Variants in DIAPH2 observed in about 807,000 individuals in gnomAD.
DIAPH2 encodes the protein protein diaphanous homolog 2.
In DIAPH2, 35 loss-of-function variants were observed where a neutral mutation model predicts 92.7. That is an observed-to-expected ratio of 0.38 (90% confidence interval 0.29 to 0.50). The LOEUF (loss-of-function observed/expected upper bound fraction) is 0.50, where lower values mean the gene tolerates loss of function less well. Ranked by LOEUF, DIAPH2 falls within the 20% of genes least tolerant of loss-of-function variation. The pLI is 0.94. For missense variants in DIAPH2, 701 were observed against 819.5 expected, an observed-to-expected ratio of 0.86 and a Z score of 1.77; for synonymous variants, 301 against 280.4, an observed-to-expected ratio of 1.07 and a Z score of -0.73.
chrX:97,533,959 A>C (rs1024391257), intron 26 of DIAPH2, among the ~76,000 whole-genome samples: 2 of 111,827 alleles, frequency 1.8e-5, no homozygotes, highest in African/African-American at 6.5e-5. Context: ...TGAGTAGTTT[A>C]CTCATTCTAA....
chrX:96,730,861 C>A (rs1202717147), intron 1 of DIAPH2, among the ~76,000 whole-genome samples: 1 of 110,278 alleles, frequency 9.1e-6, no homozygotes. Flanking sequence ...TTCACCTGGG[C>A]GCAGGCGGGC....
At position 96,876,054 on chromosome X, in the gene DIAPH2, A is replaced by T. The variant is rs555719279; in HGVS notation, c.448-5525A>T. On this transcript the variant is annotated intron_variant, in intron 4 of 26. Transcript: ENST00000324765. ...ATATCCAGAATCTACAAAGAACTCA[A>T]ACAAATTTACAAGAAAAAAACAACT... 2.0e-3 allele frequency among the ~76,000 whole-genome samples: 229 copies of T among 112,194 alleles called. 7 individuals carry two copies. In the South Asian group the frequency reaches 0.074, roughly 36 times the overall value.
rs935591437 is a variant in DIAPH2 at position 97,190,286 on chromosome X, T to G, written c.2719+48492T>G. ...TGGCATGGGCCATCACTAGGGTAGA[T>G]GAACAGATTTGTGATTCTAGGATAT... On this transcript the variant is annotated intron_variant, in intron 22 of 26. Coordinates refer to ENST00000324765, the MANE Select transcript of DIAPH2 (RefSeq NM_006729.5). Among the ~76,000 whole-genome samples, 21 of 112,618 alleles carry G rather than the reference T, an allele frequency of 1.9e-4. 1 individual carries two copies. In the Admixed American group the frequency reaches 2.0e-3, roughly 11 times the overall value.
intron 23 of DIAPH2, among the ~76,000 whole-genome samples, chrX:97,307,908 C>CAA (rs34217377): frequency 6.2e-5 from 4 of 64,830 alleles, no homozygotes; most frequent in African/African-American, 2.3e-4. Flanking sequence ...GACTCTGTCT[C>CAA]AAAAAAAAAA....
chrX:96,929,380 T>G (rs913802350), intron 9 of DIAPH2, among the ~76,000 whole-genome samples: 2 of 111,515 alleles, frequency 1.8e-5, no homozygotes, highest in Non-Finnish European at 1.9e-5. Context: ...GTGTTTTATC[T>G]TGATACTTGA....
intron 17 of DIAPH2, among the ~76,000 whole-genome samples, chrX:97,038,523 GT>G (rs1327127339): frequency 1.0e-5 from 1 of 97,376 alleles, no homozygotes; most frequent in African/African-American, 3.7e-5. Context: ...AGCATCTATT[GT>G]TTTTTGACTT....
intron 17 of DIAPH2, among the ~76,000 whole-genome samples, chrX:97,021,675 G>C (rs1271459944): frequency 9.0e-6 from 1 of 111,552 alleles, no homozygotes; most frequent in Non-Finnish European, 1.9e-5. Flanking sequence ...GAAATATAAG[G>C]AATAGTTAAT....
At chrX:97,100,598 G>T in intron 20 of DIAPH2, among the ~76,000 whole-genome samples, 1 of 111,822 alleles carries the variant, frequency 8.9e-6, no homozygotes, top group Non-Finnish European at 1.9e-5. Context: ...AAGTTTGTTT[G>T]CTGTATGAAT....
At chrX:97,346,159 C>A (rs1206202258) in intron 23 of DIAPH2, among the ~76,000 whole-genome samples, 10 of 111,270 alleles carry the variant, frequency 9.0e-5, no homozygotes, top group Non-Finnish European at 1.9e-4. Context: ...GAACATACTA[C>A]TCAAAGTGTG....
At chrX:97,291,797 C>G (rs757794897) in intron 23 of DIAPH2, among the ~76,000 whole-genome samples, 1 of 111,367 alleles carries the variant, frequency 9.0e-6, no homozygotes, top group Non-Finnish European at 1.9e-5. Flanking sequence ...CTCAGCCTCC[C>G]AAAGTGCTGG....
At chrX:97,584,907 G>A (rs2071469420) in intron 26 of DIAPH2, among the ~76,000 whole-genome samples, 1 of 112,488 alleles carries the variant, frequency 8.9e-6, no homozygotes, top group South Asian at 3.7e-4. Flanking sequence ...CCTGAAGACG[G>A]TACTGACTGT....
At chrX:97,281,859 A>C (rs1283338114) in intron 23 of DIAPH2, among the ~76,000 whole-genome samples, 2 of 111,727 alleles carry the variant, frequency 1.8e-5, no homozygotes. Flanking sequence ...AAAGCTCCTT[A>C]GCTTGATGTA....
Position 97,298,827 on chromosome X carries a change from C to T in DIAPH2, c.2845-49289C>T, listed in dbSNP as rs1419654759. On this transcript the variant is annotated intron_variant, in intron 23 of 26. Transcript: ENST00000324765. ...TAGAGACGGGGTTTCACCGTGTCAG[C>T]CTGAATCGTCTCGATCTACTGACCT... Among the ~76,000 whole-genome samples the T allele has an allele frequency of 4.5e-5, 5 of 110,224 alleles. No homozygotes were observed. The Admixed American group carries it at 4.9e-4, about 11-fold the overall frequency.
intron 25 of DIAPH2, among the ~76,000 whole-genome samples, chrX:97,409,338 T>A (rs2069843232): frequency 8.9e-6 from 1 of 111,831 alleles, no homozygotes; most frequent in Admixed American, 9.5e-5. Flanking sequence ...TAACATTGTT[T>A]GAGGGTAGCT....
chrX:97,021,081 T>G (rs1347673564), intron 17 of DIAPH2, among the ~76,000 whole-genome samples: 1 of 112,508 alleles, frequency 8.9e-6, no homozygotes, highest in African/African-American at 3.2e-5. Context: ...TTTCTTCAGA[T>G]GTTCTTAACT....
chrX:97,065,564 C>A (rs1288546888), intron 17 of DIAPH2, among the ~76,000 whole-genome samples: 1 of 111,153 alleles, frequency 9.0e-6, no homozygotes, highest in Non-Finnish European at 1.9e-5. Context: ...ATAAGTATAG[C>A]ACGTACAATT....
At chrX:97,449,836 A>T (rs2070343982) in intron 26 of DIAPH2, among the ~76,000 whole-genome samples, 1 of 111,769 alleles carries the variant, frequency 8.9e-6, no homozygotes, top group Non-Finnish European at 1.9e-5. Context: ...GAAAATACTC[A>T]GCATTGAATA....
intron 24 of DIAPH2, among the ~76,000 whole-genome samples, chrX:97,379,311 T>C (rs2069531621): frequency 8.9e-6 from 1 of 111,788 alleles, no homozygotes; most frequent in African/African-American, 3.3e-5. Context: ...GCAAAATAAG[T>C]CATTGAAAAC....
rs187166154 is a variant in DIAPH2 at position 97,506,374 on chromosome X, C to A, written c.3241+76629C>A. 2.7e-3 allele frequency among the ~76,000 whole-genome samples: 289 copies of A among 106,332 alleles called. 1 individual carries two copies. The highest frequency in any genetic ancestry group is 4.5e-3 in the Non-Finnish European group (236 of 51,879). 92.3% of individuals were successfully genotyped at this position (106,332 alleles called of 115,157 possible). On this transcript the variant is annotated intron_variant, in intron 26 of 26. Transcript: ENST00000324765. ...CCATATTGGTCAGGCTGGTCTGGAA[C>A]TCCTGACCTCAGGTGATCCGCCCAC... is the stretch of plus-strand genomic sequence containing the variant.
Sources: gnomAD v4.1 joint callset for allele counts (sites outside exome capture counted in the v4.1 genomes callset) on GRCh38, gnomAD v4.1.1 for gene constraint, MANE v1.5 for transcripts, NCBI Gene and HGNC (gene_info 2026-07-23, HGNC 2026-07-21) for gene names.